SAMD13: variants seen among roughly 807,000 people sequenced by gnomAD.
The protein encoded by SAMD13 is sterile alpha motif domain-containing protein 13.
A neutral mutation model predicts 12.4 loss-of-function variants in SAMD13; 9 were observed. The ratio of observed to expected loss-of-function variants is 0.72; its 90% CI spans 0.44 to 1.26. The LOEUF is 1.26. Among genes scored for constraint, SAMD13 ranks in the 50% most tolerant of loss-of-function variants. The pLI, the probability that SAMD13 is intolerant of heterozygous loss-of-function variation, is 0.00. For missense variants in SAMD13, 84 were observed against 119.6 expected, an observed-to-expected ratio of 0.70 and a Z score of 1.39; for synonymous variants, 46 against 45.4, an observed-to-expected ratio of 1.01 and a Z score of -0.05.
At chr1:84,342,673 G>A (rs756590069) in intron 3 of SAMD13, among the ~76,000 whole-genome samples, 1 of 152,094 alleles carries the variant, frequency 6.6e-6, no homozygotes, top group Non-Finnish European at 1.5e-5. Flanking sequence ...ACTGAAACTA[G>A]ACCCCTTCCT....
chr1:84,309,636 T>G (rs1017889246), intron 2 of SAMD13, among the ~76,000 whole-genome samples: 1 of 152,128 alleles, frequency 6.6e-6, no homozygotes, highest in Non-Finnish European at 1.5e-5. Context: ...TTGAACACAT[T>G]CTGAAATGGA....
intron 2 of SAMD13, among the ~76,000 whole-genome samples, chr1:84,312,538 C>T (rs192467826): frequency 4.7e-4 from 71 of 152,064 alleles, no homozygotes; most frequent in Admixed American, 4.4e-3. Context: ...AAGCGTTCAA[C>T]AAACATATTA....
At chr1:84,311,583 A>T (rs943808689) in intron 2 of SAMD13, among the ~76,000 whole-genome samples, 4 of 152,228 alleles carry the variant, frequency 2.6e-5, no homozygotes, top group Non-Finnish European at 5.9e-5. Flanking sequence ...ACAATTCAAC[A>T]GTAGTATCTG....
At chr1:84,312,376 C>G (rs1678734682) in intron 2 of SAMD13, among the ~76,000 whole-genome samples, 1 of 151,628 alleles carries the variant, frequency 6.6e-6, no homozygotes, top group African/African-American at 2.4e-5. Context: ...TGCATCTCCT[C>G]TCAATTCTGC....
At chr1:84,325,813 C>T (rs1274276288) in intron 3 of SAMD13, 65 bp downstream of exon 3, 1 of 978,348 alleles carries the variant, frequency 1.0e-6, no homozygotes, top group Admixed American at 1.8e-5. Flanking sequence ...CCCTTCCCAA[C>T]AGTGGGCAGA....
At chr1:84,309,632 A>C (rs1448475239) in intron 2 of SAMD13, among the ~76,000 whole-genome samples, 1 of 152,194 alleles carries the variant, frequency 6.6e-6, no homozygotes, top group Non-Finnish European at 1.5e-5. Context: ...CTACTTGAAC[A>C]CATTCTGAAA....
In SAMD13 at chr1:84,349,844, T is replaced by C. The variant is rs1679611278; in HGVS notation, c.*70T>C. 1 of 1,554,532 alleles carries C rather than the reference T, an allele frequency of 6.4e-7. No homozygotes were observed. ...ATAATTTAGTTTCATGTAATGAAACTTTGTAAACAGAATACATACATGTGT... is the reference window on the plus strand; with the variant it reads ...ATAATTTAGTTTCATGTAATGAAACCTTGTAAACAGAATACATACATGTGT... On this transcript the variant is annotated 3_prime_UTR_variant, in exon 4 of 4. Transcript: ENST00000394834.
upstream of SAMD13, among the ~76,000 whole-genome samples, chr1:84,300,842 G>A (rs1041927746): frequency 7.2e-5 from 11 of 152,128 alleles, no homozygotes; most frequent in Non-Finnish European, 1.5e-4. Context: ...GGATGATGGC[G>A]GGAGAGACTA....
chr1:84,299,671 A>ATATT, upstream of SAMD13: 1 of 952,296 alleles, frequency 1.1e-6, no homozygotes, highest in Non-Finnish European at 1.4e-6. Flanking sequence ...ATATATATAT[A>ATATT]TATATTTATT....
chr1:84,345,336 T>C (rs556080627), intron 3 of SAMD13: 1 of 404,774 alleles, frequency 2.5e-6, no homozygotes, highest in East Asian at 7.1e-5. Flanking sequence ...GGTGTTCTGA[T>C]GCTTATGAAA....
Position 84,349,390 on chromosome 1 carries a change from T to C in SAMD13, c.166-241T>C, listed in dbSNP as rs1679601339. Among the ~76,000 whole-genome samples the C allele has an allele frequency of 2.0e-5, 3 of 152,220 alleles. No individual in the cohort carries two copies. The South Asian group carries it at 6.2e-4, about 31-fold the overall frequency. ...TTGCGATCTGTTTTTTAAGATGTGA[T>C]GTTTGTGATAGGATCTTGAAAGCAA... is the stretch of plus-strand genomic sequence containing the variant. On this transcript the variant is annotated intron_variant, in intron 3 of 3. Transcript: ENST00000394834.
At chr1:84,340,904 G>T (rs1679410178) in intron 3 of SAMD13, among the ~76,000 whole-genome samples, 1 of 152,170 alleles carries the variant, frequency 6.6e-6, no homozygotes, top group South Asian at 2.1e-4. Context: ...AAAGAAGATG[G>T]CCCTAACTGA....
intron 2 of SAMD13, among the ~76,000 whole-genome samples, chr1:84,307,856 A>G (rs1279763099): frequency 6.6e-6 from 1 of 152,068 alleles, no homozygotes; most frequent in East Asian, 1.9e-4. Flanking sequence ...GGCAGGTGAA[A>G]AAGGCACTAT....
chr1:84,302,483 C>T (rs903164941), intron 1 of SAMD13, among the ~76,000 whole-genome samples: 7 of 151,120 alleles, frequency 4.6e-5, no homozygotes, highest in Admixed American at 4.6e-4. Context: ...ACAATATCTC[C>T]TTAAATGTTT....
At chr1:84,318,815 T>A (rs1678885572) in intron 2 of SAMD13, among the ~76,000 whole-genome samples, 2 of 152,224 alleles carry the variant, frequency 1.3e-5, no homozygotes, top group South Asian at 4.1e-4. Context: ...AAGTCTTTGA[T>A]TATTCCCTTC....
chr1:84,315,309 G>A (rs577506108), intron 2 of SAMD13, among the ~76,000 whole-genome samples: 4 of 152,044 alleles, frequency 2.6e-5, no homozygotes, highest in South Asian at 2.1e-4. Context: ...GTTTATTTTA[G>A]ATACCTCATA....
intron 3 of SAMD13, among the ~76,000 whole-genome samples, chr1:84,346,271 A>G (rs1570266445): frequency 6.6e-6 from 1 of 152,226 alleles, no homozygotes; most frequent in Non-Finnish European, 1.5e-5. Flanking sequence ...TTATTTTTAA[A>G]TCTAGATTCT....
intron 3 of SAMD13, among the ~76,000 whole-genome samples, chr1:84,342,435 C>G (rs960186108): frequency 9.2e-5 from 14 of 152,128 alleles, no homozygotes; most frequent in African/African-American, 3.4e-4. Context: ...TTGGAGGCAT[C>G]ATGCTACCAG....
In SAMD13 at chr1:84,338,208, C is replaced by G. The variant is rs565257321; in HGVS notation, c.166-11423C>G. ...TGTGTATCTTTTCAGCAATGCCCCA[C>G]TCTACTGGTACCAACTTACTGTAGT... is the stretch of plus-strand genomic sequence containing the variant. On this transcript the variant is annotated intron_variant, in intron 3 of 3. Coordinates refer to ENST00000394834, the MANE Select transcript of SAMD13 (RefSeq NM_001134663.2). Among the ~76,000 whole-genome samples, 105 of 152,300 alleles carry G rather than the reference C, an allele frequency of 6.9e-4. No individual in the cohort carries two copies. The Middle Eastern group carries it at 0.01, about 15-fold the overall frequency.
Sources: allele counts gnomAD v4.1 joint callset (sites outside exome capture counted in the v4.1 genomes callset), GRCh38; gene constraint gnomAD v4.1.1; transcripts MANE v1.5; gene names NCBI Gene and HGNC (gene_info 2026-07-23, HGNC 2026-07-21).